The following MYOM1 variants were observed in gnomAD, a reference collection of about 807,000 sequenced individuals.
MYOM1 encodes the protein myomesin 1.
Under a neutral mutation model 205.3 loss-of-function variants are expected in MYOM1, and 164 were observed. The observed-to-expected ratio is 0.80, with a 90% CI of 0.70 to 0.91. The LOEUF (loss-of-function observed/expected upper bound fraction) is 0.91, where lower values mean the gene tolerates loss of function less well. MYOM1 is among the 40% of genes least tolerant of loss of function. The pLI is 0.00. For synonymous variants in MYOM1, 772 were observed against 789.4 expected (o/e 0.98, Z 0.37); for missense variants, 2,011 against 2,127.3 (o/e 0.95, Z 1.08).
At chr18:3,073,052 A>G (rs911956239) in intron 36 of MYOM1, among the ~76,000 whole-genome samples, 2 of 141,582 alleles carry the variant, frequency 1.4e-5, no homozygotes, top group African/African-American at 2.6e-5. Flanking sequence ...GGCTCCAGCC[A>G]TCATCCTGCC....
intron 1 of MYOM1, among the ~76,000 whole-genome samples, chr18:3,218,535 A>G (rs1252769147): frequency 1.3e-5 from 2 of 152,220 alleles, no homozygotes; most frequent in African/African-American, 4.8e-5. Flanking sequence ...ACCCTTAAAT[A>G]GATGGCTATT....
At position 3,152,293 on chromosome 18, in the gene MYOM1, T is replaced by C. The variant is rs1421742949; in HGVS notation, c.1644-400A>G. ...TCTTTGTCTTCTTTAGGTATTTTCT[T>C]TGAAAAACAGAGGTATTATTGAGAA... is the stretch of plus-strand genomic sequence containing the variant. On this transcript the variant is annotated intron_variant, in intron 11 of 37. Transcript: ENST00000356443. The surrounding 1 kb of genome is among the most constrained non-coding windows in gnomAD (Gnocchi z 4.3). Among the ~76,000 whole-genome samples, 1 of 152,214 alleles carries C rather than the reference T, an allele frequency of 6.6e-6. No individual in the cohort carries two copies. Among genetic ancestry groups the C allele is most frequent in the East Asian group, 1.9e-4 (1 of 5,200 alleles).
At chr18:3,172,516 C>CT (rs796101623) in intron 8 of MYOM1, among the ~76,000 whole-genome samples, 2,458 of 146,526 alleles carry the variant, frequency 0.017, 61 homozygotes, top group African/African-American at 0.056. Flanking sequence ...TCCAACTATT[C>CT]TTTTTTTTTT....
intron 31 of MYOM1, 144 bp downstream of exon 31, chr18:3,084,901 C>G (rs180832774): frequency 1.7e-6 from 1 of 598,870 alleles, no homozygotes; most frequent in Non-Finnish European, 2.9e-6. Flanking sequence ...TAAAACAGTT[C>G]ACTCTGTTGG....
chr18:3,074,146 G>T (rs1338895211), intron 36 of MYOM1, among the ~76,000 whole-genome samples: 1 of 152,198 alleles, frequency 6.6e-6, no homozygotes, highest in Non-Finnish European at 1.5e-5. Context: ...AACTGCTTGT[G>T]GATGTAGGCT....
chr18:3,219,905 G>C lies in MYOM1; in HGVS notation c.-131C>G, dbSNP rs1413380902. The C allele has an allele frequency of 6.6e-6, 1 of 152,260 alleles. No individual in the cohort carries two copies. The highest frequency in any genetic ancestry group is 1.5e-5 in the Non-Finnish European group (1 of 68,084). The allele number at this position is 152,260 out of a possible 1,614,324, so 9.4% of individuals were successfully genotyped here. A position where few individuals can be genotyped will look rare whatever the true frequency, so the allele number is the denominator to read the frequency against. On this transcript the variant is annotated 5_prime_UTR_variant, in exon 1 of 38. Coordinates refer to ENST00000356443, the MANE Select transcript of MYOM1 (RefSeq NM_003803.4). This position sits in a 1 kb window ranked among gnomAD's most constrained non-coding sequence, Gnocchi z 4.4. Reference sequence around the variant, plus strand: ...TAGGTTGAATCCAAGACAATGTTAAGAGGCAGGGCTAAAGACAGGACCCTG... The same window carrying C: ...TAGGTTGAATCCAAGACAATGTTAACAGGCAGGGCTAAAGACAGGACCCTG...
the MYOM1 span, among the ~76,000 whole-genome samples, chr18:3,240,545 A>C: frequency 1.3e-5 from 2 of 152,250 alleles, no homozygotes; most frequent in Non-Finnish European, 2.9e-5. Flanking sequence ...CCTCAGCCAC[A>C]TGGAAATGTA....
intron 37 of MYOM1, among the ~76,000 whole-genome samples, chr18:3,071,264 G>T (rs971295398): frequency 2.6e-5 from 4 of 152,162 alleles, no homozygotes; most frequent in Admixed American, 2.6e-4. Context: ...ATTTTAAAGG[G>T]TGACTCTTCA....
intron 26 of MYOM1, among the ~76,000 whole-genome samples, chr18:3,093,117 G>A (rs2079249633): frequency 6.6e-6 from 1 of 152,132 alleles, no homozygotes; most frequent in African/African-American, 2.4e-5. Context: ...GTCACTCTAT[G>A]CACTGGAAAG....
intron 36 of MYOM1, among the ~76,000 whole-genome samples, chr18:3,074,196 C>T (rs943681571): frequency 3.3e-5 from 5 of 152,210 alleles, no homozygotes; most frequent in African/African-American, 1.2e-4. Context: ...TCTTGCTCAA[C>T]ACCCCACTTC....
chr18:3,155,229 A>G, intron 10 of MYOM1, 141 bp from the exon 11 acceptor site: 3 of 822,820 alleles, frequency 3.6e-6, no homozygotes, highest in East Asian at 6.5e-5. Context: ...AAATCTTGCT[A>G]TTTTTTTTTT....
intron 29 of MYOM1, 107 bp from the exon 30 acceptor site, chr18:3,086,258 G>A: frequency 1.9e-6 from 1 of 538,016 alleles, no homozygotes; most frequent in Non-Finnish European, 3.1e-6. Flanking sequence ...ACTGAACGTG[G>A]AGTGAGAAGA....
the MYOM1 span, among the ~76,000 whole-genome samples, chr18:3,242,351 G>A: frequency 6.6e-6 from 1 of 152,150 alleles, no homozygotes; most frequent in Non-Finnish European, 1.5e-5. Context: ...CATGAGATCT[G>A]ATGGCTTTAA....
At position 3,073,556 on chromosome 18, in the gene MYOM1, C is replaced by G. The variant is rs184527969; in HGVS notation, c.4709-1667G>C. Reference sequence around the variant, plus strand: ...TTCTTCTGGTTTCCTGTGTGACATGCTGTGTGATACTGGGCCAGTCACTTC... The same window carrying G: ...TTCTTCTGGTTTCCTGTGTGACATGGTGTGTGATACTGGGCCAGTCACTTC... On this transcript the variant is annotated intron_variant, in intron 36 of 37. Transcript: ENST00000356443. Among the ~76,000 whole-genome samples the G allele has an allele frequency of 1.6e-4, 25 of 152,346 alleles. No homozygotes were observed. The East Asian group carries it at 3.5e-3, about 21-fold the overall frequency.
intron 18 of MYOM1, among the ~76,000 whole-genome samples, chr18:3,127,897 T>C (rs1419557646): frequency 6.6e-6 from 1 of 152,212 alleles, no homozygotes; most frequent in African/African-American, 2.4e-5. Flanking sequence ...AGTGCTTAGC[T>C]AGAAAAATAT....
chr18:3,229,279 A>G, the MYOM1 span, among the ~76,000 whole-genome samples: 2 of 152,134 alleles, frequency 1.3e-5, no homozygotes, highest in Non-Finnish European at 2.9e-5. Context: ...AACTGTACTC[A>G]GGCCTAGGCC....
rs1598744400 is a variant in MYOM1, at chr18:3,176,189, T to C, written c.930-55A>G. 5 of 995,726 alleles carry C rather than the reference T, an allele frequency of 5.0e-6. No homozygotes were observed. The East Asian group carries it at 1.2e-4, about 24-fold the overall frequency. The allele number at this position is 995,726 out of a possible 1,614,324, so 61.7% of individuals were successfully genotyped here. A position where few individuals can be genotyped will look rare whatever the true frequency, so the allele number is the denominator to read the frequency against. On this transcript the variant is annotated intron_variant, in intron 5 of 37. Coordinates refer to ENST00000356443, the MANE Select transcript of MYOM1 (RefSeq NM_003803.4). Reference sequence around the variant, plus strand: ...AGTTGAAGTGTAAACAACTTCATGATTAAACACACACACAATTCTTGTTCT... The same window carrying C: ...AGTTGAAGTGTAAACAACTTCATGACTAAACACACACACAATTCTTGTTCT...
At chr18:3,072,581 G>C (rs1158766517) in intron 36 of MYOM1, among the ~76,000 whole-genome samples, 1 of 151,404 alleles carries the variant, frequency 6.6e-6, no homozygotes, top group Non-Finnish European at 1.5e-5. Flanking sequence ...CTTGAGCTCC[G>C]GACCTCAAGT....
intron 10 of MYOM1, among the ~76,000 whole-genome samples, chr18:3,163,358 G>C (rs1048849361): frequency 1.3e-5 from 2 of 152,202 alleles, no homozygotes; most frequent in Non-Finnish European, 1.5e-5. Flanking sequence ...TGAAGACGAA[G>C]AAAGTCCTGA....
Sources: gnomAD v4.1 joint callset for allele counts (sites outside exome capture counted in the v4.1 genomes callset) on GRCh38, gnomAD v4.1.1 for gene constraint, Gnocchi (gnomAD v3.1) non-coding constraint, MANE v1.5 for transcripts, NCBI Gene and HGNC (gene_info 2026-07-23, HGNC 2026-07-21) for gene names.